ULK1: variants seen among roughly 807,000 people sequenced by gnomAD.
ULK1 encodes the protein serine/threonine-protein kinase ULK1.
ULK1 carries 48 observed loss-of-function variants against 117.5 expected under a neutral mutation model. That is an observed-to-expected ratio of 0.41 (90% CI 0.32 to 0.52). The LOEUF (loss-of-function observed/expected upper bound fraction) is 0.52. ULK1 is among the 20% of genes least tolerant of loss of function. ULK1 has a pLI of 0.29. For missense variants in ULK1, 1,387 were observed against 1,473.4 expected, an observed-to-expected ratio of 0.94 and a Z score of 0.96; for synonymous variants, 790 against 637.8, an observed-to-expected ratio of 1.24 and a Z score of -3.60.
Position 131,903,625 on chromosome 12 carries a change from C to T in ULK1, c.247-3267C>T, listed in dbSNP as rs778080248. 2.0e-5 allele frequency among the ~76,000 whole-genome samples: 3 copies of T among 152,130 alleles called. No homozygotes were observed. The highest frequency in any genetic ancestry group is 4.4e-5 in the Non-Finnish European group (3 of 68,010). On this transcript the variant is annotated intron_variant, in intron 3 of 27. Transcript: ENST00000321867. This position sits in a 1 kb window ranked among gnomAD's most constrained non-coding sequence, Gnocchi z 6.0. ...CTGTCCCAGGGGAGTTGGGAAGACCCGAATGCCTGTGGTGAGGTGGATGCC... is the reference window on the plus strand; with the variant it reads ...CTGTCCCAGGGGAGTTGGGAAGACCTGAATGCCTGTGGTGAGGTGGATGCC...
Position 131,910,746 on chromosome 12 carries a change from G to A in ULK1, c.894G>A (p.Ser298=), listed in dbSNP as rs780689767. The A allele has an allele frequency of 3.1e-5, 50 of 1,612,784 alleles. No individual in the cohort carries two copies. The highest frequency in any genetic ancestry group is 8.3e-5 in the Admixed American group (5 of 59,990). The part of the protein sequence containing the change: ...PPVPVPSYPS[S]GSGSSSSSSS... Reference sequence around the variant, plus strand: ...TGCCTGTGCCCTCGTACCCAAGCTCGGGGTCCGGCAGCAGCTCCAGCAGCA... The same window carrying A: ...TGCCTGTGCCCTCGTACCCAAGCTCAGGGTCCGGCAGCAGCTCCAGCAGCA... The change falls in exon 12 of 28, where the codon TCG becomes TCA. Residue 298 remains serine, a synonymous_variant. Transcript: ENST00000321867.
At position 131,895,611 on chromosome 12, in the gene ULK1, T is replaced by G; in HGVS notation, c.122T>G (p.Leu41Trp). 1.2e-6 allele frequency: 2 copies of G among 1,613,792 alleles called. No individual in the cohort carries two copies. Among genetic ancestry groups the G allele is most frequent in the South Asian group, 1.1e-5 (1 of 91,046 alleles). The change falls in exon 2 of 28, where the codon TTG (leucine) becomes TGG (tryptophan). Residue 41 changes from leucine (L) to tryptophan (W), a missense_variant. Physicochemically the swap from Leu to Trp is moderately conservative, Grantham distance 61. Coordinates refer to ENST00000321867, the MANE Select transcript of ULK1 (RefSeq NM_003565.4). The part of the protein sequence containing the change: ...FKGRHREKHD[L>W]EVAVKCINKK... ...ACGTTTGGCTTTCAGAAGCACGATTTGGAGGTCGCCGTCAAGTGCATTAAC... is the reference window on the plus strand; with the variant it reads ...ACGTTTGGCTTTCAGAAGCACGATTGGGAGGTCGCCGTCAAGTGCATTAAC...
Position 131,921,307 on chromosome 12 carries a change from C to T in ULK1, c.3099C>T (p.Cys1033=). ...TCACACTCCCCTCTCCCTCCACAGG[C>T]AAGCTGTGCATTGAGCGGAGACTCT... ...DQADIENVTK[C]KLCIERRLSA... Residue 1033 remains cysteine (C), a splice_region_variant and synonymous_variant, in exon 28 of 28, where the codon TGC becomes TGT. Transcript: ENST00000321867. 1 of 1,607,996 alleles carries T rather than the reference C, an allele frequency of 6.2e-7. No homozygotes were observed. Among genetic ancestry groups the T allele is most frequent in the Non-Finnish European group, 8.5e-7 (1 of 1,179,944 alleles).
At chr12:131,920,268 G>A (rs1890093357) in intron 26 of ULK1, 132 bp downstream of exon 26, 2 of 1,244,564 alleles carry the variant, frequency 1.6e-6, no homozygotes, top group Non-Finnish European at 2.2e-6. Flanking sequence ...GTCTTGAAAT[G>A]ACAGCATTAT....
At chr12:131,901,394 C>T (rs1284577872) in intron 3 of ULK1, among the ~76,000 whole-genome samples, 1 of 151,786 alleles carries the variant, frequency 6.6e-6, no homozygotes, top group Non-Finnish European at 1.5e-5. Flanking sequence ...GATAAAAATA[C>T]TGGAAAGTGC....
At chr12:131,912,551 C>G (rs1283371174) in intron 13 of ULK1, among the ~76,000 whole-genome samples, 2 of 152,106 alleles carry the variant, frequency 1.3e-5, no homozygotes, top group Non-Finnish European at 2.9e-5. Flanking sequence ...GGCCTGGGGT[C>G]TGTGGCTCCT....
chr12:131,896,151 C>T (rs984578617), intron 3 of ULK1, among the ~76,000 whole-genome samples: 2 of 152,132 alleles, frequency 1.3e-5, no homozygotes, highest in Non-Finnish European at 2.9e-5. Context: ...GCAGCACTGC[C>T]GGCCTGGCCC....
At chr12:131,918,907 A>G (rs201986846) in intron 23 of ULK1, among the ~76,000 whole-genome samples, 38 of 4,362 alleles carry the variant, frequency 8.7e-3, no homozygotes, top group African/African-American at 0.013. Context: ...TGTGGGGTGT[A>G]GGGTGTGTGG....
At chr12:131,897,040 C>G (rs1473850028) in intron 3 of ULK1, 1 of 152,558 alleles carries the variant, frequency 6.6e-6, no homozygotes, top group Admixed American at 6.5e-5. Context: ...AGGCCCAGCT[C>G]CATCCCAGTC....
chr12:131,919,222 C>T lies in ULK1; in HGVS notation c.2522C>T (p.Thr841Met). Residue 841 changes from threonine (T) to methionine (M), a missense_variant, in exon 24 of 28, where the codon ACG becomes ATG. This residue lies in a region of ULK1 where 900 missense variants were observed against 858.9 expected (regional missense o/e 1.05). Transcript: ENST00000321867. ...PEETLMEQEH[T>M]EILRGLRFTL... ...GGCCGCTTCCTGCAGCAAGAGCACA[C>T]GGAGATCCTGCGTGGCCTGCGCTTC... The T allele has an allele frequency of 5.0e-6, 8 of 1,594,998 alleles. No homozygotes were observed. Among genetic ancestry groups the T allele is most frequent in the Non-Finnish European group, 6.8e-6 (8 of 1,176,728 alleles).
chr12:131,916,363 G>A, intron 19 of ULK1, 35 bp from the exon 20 acceptor site: 1 of 1,533,860 alleles, frequency 6.5e-7, no homozygotes, highest in Non-Finnish European at 8.8e-7. Context: ...CTGCAGACCT[G>A]CGGGGCAGTC....
At chr12:131,912,163 A>G in intron 13 of ULK1, 74 bp downstream of exon 13, 1 of 1,524,052 alleles carries the variant, frequency 6.6e-7, no homozygotes. Context: ...TGTTGGATGC[A>G]CAGTGTGTAA....
chr12:131,901,370 G>GA (rs1469888581), intron 3 of ULK1, among the ~76,000 whole-genome samples: 1 of 149,812 alleles, frequency 6.7e-6, no homozygotes, highest in Non-Finnish European at 1.5e-5. Flanking sequence ...AAAAAAAAAA[G>GA]AAAAAAATCA....
chr12:131,920,105 A>C lies in ULK1; in HGVS notation c.2930A>C (p.Glu977Ala). 1 of 1,612,798 alleles carries C rather than the reference A, an allele frequency of 6.2e-7. No homozygotes were observed. Among genetic ancestry groups the C allele is most frequent in the Non-Finnish European group, 8.5e-7 (1 of 1,179,932 alleles). The change falls in exon 26 of 28, where the codon GAG (glutamate) becomes GCG (alanine). Residue 977 changes from glutamate (E) to alanine (A), a missense_variant. Around this residue, in one of 4 missense-constraint regions of ULK1, gnomAD observed 900 missense variants for 858.9 expected, o/e 1.05. Coordinates refer to ENST00000321867, the MANE Select transcript of ULK1 (RefSeq NM_003565.4). ...GACCGCATTCACAGCATCACTGCCG[A>C]GAGGCTCATCTTCAGCCACGCTGTG... ...LLDRIHSITA[E>A]RLIFSHAVQM... is the part of the protein sequence containing the mutation.
chr12:131,916,604 G>C lies in ULK1; in HGVS notation c.2072+13G>C, dbSNP rs568619877. ...GCCCCTTTGGCCGGTGAGTTGAGGG[G>C]ACAGGCCTTGGACGGGCTTCTGAGG... On this transcript the variant is annotated intron_variant, in intron 20 of 27. Transcript: ENST00000321867. The C allele has an allele frequency of 6.4e-7, 1 of 1,559,770 alleles. No homozygotes were observed.
In ULK1 at chr12:131,915,872, G is replaced by A. The variant is rs1212647537; in HGVS notation, c.1610-19G>A. ...GGCCGCCGGACCGGAAGGTCGTGAC[G>A]AGGCGTGTCTCTCTCTAGGCTCCTC... On this transcript the variant is annotated intron_variant, in intron 18 of 27. Transcript: ENST00000321867. The A allele has an allele frequency of 1.3e-5, 21 of 1,606,792 alleles. No homozygotes were observed. Among genetic ancestry groups the A allele is most frequent in the South Asian group, 4.4e-5 (4 of 91,048 alleles).
intron 21 of ULK1, 40 bp downstream of exon 21, chr12:131,917,102 G>GTCGGGTTTGGC (rs1555265414): frequency 5.0e-6 from 3 of 594,732 alleles, no homozygotes; most frequent in South Asian, 5.4e-5. Context: ...TGGGATGGGG[G>GTCGGGTTTGGC]TCGGAGGCTG....
rs377292381 is a variant in ULK1, at chr12:131,921,411, G to T, written c.*50G>T. 1 of 1,597,980 alleles carries T rather than the reference G, an allele frequency of 6.3e-7. No individual in the cohort carries two copies. Among genetic ancestry groups the T allele is most frequent in the African/African-American group, 1.3e-5 (1 of 75,012 alleles). ...CGTCCTGCCGAGCCCTGCAGAGTGGGCTCTGTGTGCTGGCTGGACTCCTCG... is the reference window on the plus strand; with the variant it reads ...CGTCCTGCCGAGCCCTGCAGAGTGGTCTCTGTGTGCTGGCTGGACTCCTCG... On this transcript the variant is annotated 3_prime_UTR_variant, in exon 28 of 28. Transcript: ENST00000321867.
chr12:131,905,139 C>T (rs1052537396), intron 3 of ULK1, among the ~76,000 whole-genome samples: 4 of 152,166 alleles, frequency 2.6e-5, no homozygotes, highest in African/African-American at 9.7e-5. Flanking sequence ...GCCGGCCCTG[C>T]AGTGTCTGTG....
Sources: allele counts gnomAD v4.1 joint callset (sites outside exome capture counted in the v4.1 genomes callset), GRCh38; gene constraint gnomAD v4.1.1; regional missense constraint gnomAD v4.1.1; non-coding constraint Gnocchi (gnomAD v3.1); transcripts MANE v1.5; gene names NCBI Gene and HGNC (gene_info 2026-07-23, HGNC 2026-07-21).